PYGM: variants seen among roughly 807,000 people sequenced by gnomAD.
PYGM encodes glycogen phosphorylase, muscle associated, also known as glycogen phosphorylase, muscle form.
A neutral mutation model predicts 99.3 loss-of-function variants in PYGM; 81 were observed. That is an observed-to-expected ratio of 0.82 (90% CI 0.68 to 0.98). The LOEUF is 0.98. Ranked by LOEUF, PYGM falls within the 50% of genes least tolerant of loss-of-function variation. PYGM has a pLI of 0.00. For synonymous variants in PYGM, 436 were observed against 451.5 expected (o/e 0.97, Z 0.44); for missense variants, 1,030 against 1,158.1 (o/e 0.89, Z 1.61).
Position 64,758,455 on chromosome 11 carries a change from C to A in PYGM, c.406G>T (p.Gly136Cys). Residue 136 changes from glycine to cysteine, a missense_variant, in exon 3 of 20, where the codon GGC (glycine) becomes TGC (cysteine). Coordinates refer to ENST00000164139, the MANE Select transcript of PYGM (RefSeq NM_005609.4). ...IEEDAGLGNGGLGRLAACFLD... is the reference protein window; with the variant it reads ...IEEDAGLGNGCLGRLAACFLD... ...TTCTTACCTGCCAGCCGGCCCAGGC[C>A]CCCGTTGCCCAGCCCCGCATCCTCC... The A allele has an allele frequency of 6.2e-7, 1 of 1,613,958 alleles. No individual in the cohort carries two copies. Among genetic ancestry groups the A allele is most frequent in the Non-Finnish European group, 8.5e-7 (1 of 1,180,014 alleles).
At position 64,753,556 on chromosome 11, in the gene PYGM, C is replaced by G. The variant is rs398124208; in HGVS notation, c.1366G>C (p.Val456Leu). Residue 456 changes from valine to leucine, a missense_variant, in exon 11 of 20, where the codon GTG (valine) becomes CTG (leucine). Physicochemically the swap from Val to Leu is conservative, Grantham distance 32. Transcript: ENST00000164139. ...AGGATCTCGGAGTGGATGCGCGCCA[C>G]GCCGTTGACGGCGTGCGACCCCGCG... ...CIAGSHAVNGVARIHSEILKK... is the reference protein window; with the variant it reads ...CIAGSHAVNGLARIHSEILKK... 1 of 1,600,400 alleles carries G rather than the reference C, an allele frequency of 6.2e-7. No homozygotes were observed. Among genetic ancestry groups the G allele is most frequent in the East Asian group, 2.2e-5 (1 of 44,476 alleles).
In PYGM at chr11:64,753,006, C is replaced by T. The variant is rs1345449731; in HGVS notation, c.1518+67G>A. On this transcript the variant is annotated intron_variant, in intron 12 of 19. Transcript: ENST00000164139. The stretch of plus-strand genomic sequence containing the variant: ...GCCCTGATGCAGTGAACCACCTACA[C>T]GACCATACCCAGCTGATCCCTGCAG... 1.6e-5 allele frequency: 23 copies of T among 1,409,944 alleles called. No individual in the cohort carries two copies. In the East Asian group the frequency reaches 2.3e-4, roughly 14 times the overall value. The allele number at this position is 1,409,944 out of a possible 1,614,324, so 87.3% of individuals were successfully genotyped here.
Position 64,746,650 on chromosome 11 carries a change from T to G in PYGM, c.*9A>C. ...ACTCAAGGGCTGGTTTGGGGTCTGG[T>G]CTGGAGGCTCAGATGGCCTCATCCG... On this transcript the variant is annotated 3_prime_UTR_variant, in exon 20 of 20. Coordinates refer to ENST00000164139, the MANE Select transcript of PYGM (RefSeq NM_005609.4). 3.7e-6 allele frequency: 6 copies of G among 1,614,084 alleles called. No individual in the cohort carries two copies. The highest frequency in any genetic ancestry group is 5.1e-6 in the Non-Finnish European group (6 of 1,180,014).
intron 17 of PYGM, 133 bp downstream of exon 17, chr11:64,750,243 C>G: frequency 4.1e-6 from 4 of 967,484 alleles, no homozygotes; most frequent in East Asian, 2.4e-5. Flanking sequence ...TAAAGTTTCC[C>G]AGAATCCTGC....
rs185011712 is a variant in PYGM at position 64,757,205 on chromosome 11, G to A, written c.660+574C>T. The stretch of plus-strand genomic sequence containing the variant: ...CCCAAAGTGCTGGGATTACAGGTAT[G>A]ACCCACTGCCCCAGTCTATTTTTTT... On this transcript the variant is annotated intron_variant, in intron 5 of 19. Transcript: ENST00000164139. 2.4e-3 allele frequency among the ~76,000 whole-genome samples: 371 copies of A among 152,278 alleles called. 3 individuals are homozygous for A. The Middle Eastern group carries it at 0.051, about 21-fold the overall frequency.
In PYGM at chr11:64,746,922, T is replaced by C. The variant is rs762625291; in HGVS notation, c.2378A>G (p.Lys793Arg). Residue 793 changes from lysine (K) to arginine (R), a missense_variant and splice_region_variant, in exon 19 of 20, where the codon AAG becomes AGG. Physicochemically the swap from Lys to Arg is conservative, Grantham distance 26 (BLOSUM62 2). Coordinates refer to ENST00000164139, the MANE Select transcript of PYGM (RefSeq NM_005609.4). Reference sequence around the variant, plus strand: ...AACCCCTGGCCCAGGACCCCTCACCTTGTACAAGGCGCTGACTTTCTCCTG... The same window carrying C: ...AACCCCTGGCCCAGGACCCCTCACCCTGTACAAGGCGCTGACTTTCTCCTG... ...KCQEKVSALY[K>R]NPREWTRMVI... 1 of 1,614,198 alleles carries C rather than the reference T, an allele frequency of 6.2e-7. No homozygotes were observed. Among genetic ancestry groups the C allele is most frequent in the Non-Finnish European group, 8.5e-7 (1 of 1,180,018 alleles).
Position 64,747,208 on chromosome 11 carries a change from G to T in PYGM, c.2312+16C>A. On this transcript the variant is annotated intron_variant, in intron 18 of 19. Transcript: ENST00000164139. ...CTGCGGCCCCACCTGAGTGATTCCCGGGCCAACCAGCTCACCGGTCATGGT... is the reference window on the plus strand; with the variant it reads ...CTGCGGCCCCACCTGAGTGATTCCCTGGCCAACCAGCTCACCGGTCATGGT... 1 of 1,613,702 alleles carries T rather than the reference G, an allele frequency of 6.2e-7. No individual in the cohort carries two copies. Among genetic ancestry groups the T allele is most frequent in the Non-Finnish European group, 8.5e-7 (1 of 1,179,774 alleles).
chr11:64,754,589 T>C lies in PYGM; in HGVS notation c.999+104A>G. ...ACAACTGACCCTCCCACACTCCCAG[T>C]CTCCACTCCCTTATCTATTACATGG... On this transcript the variant is annotated intron_variant, in intron 8 of 19. Transcript: ENST00000164139. This position sits in a 1 kb window ranked among gnomAD's most constrained non-coding sequence, Gnocchi z 5.5. The C allele has an allele frequency of 2.0e-6, 3 of 1,478,188 alleles. No individual in the cohort carries two copies. The highest frequency in any genetic ancestry group is 9.2e-7 in the Non-Finnish European group (1 of 1,085,026). 91.6% of individuals were successfully genotyped at this position (1,478,188 alleles called of 1,614,324 possible).
intron 1 of PYGM, 82 bp from the exon 2 acceptor site, chr11:64,758,786 C>T: frequency 8.1e-7 from 1 of 1,233,806 alleles, no homozygotes; most frequent in Non-Finnish European, 1.2e-6. Context: ...GCCTGGACCT[C>T]TGGCCCGCCT....
At position 64,755,082 on chromosome 11, in the gene PYGM, C is replaced by T. The variant is rs1165060406; in HGVS notation, c.855+191G>A. 4.6e-5 allele frequency among the ~76,000 whole-genome samples: 7 copies of T among 152,090 alleles called. No individual in the cohort carries two copies. Among genetic ancestry groups the T allele is most frequent in the African/African-American group, 1.2e-4 (5 of 41,398 alleles). ...GGAACAGCCCCTCCAAAGTGCCCTTCGCTAACCCAGTTTCCTCAGGACTCA... is the reference window on the plus strand; with the variant it reads ...GGAACAGCCCCTCCAAAGTGCCCTTTGCTAACCCAGTTTCCTCAGGACTCA... On this transcript the variant is annotated intron_variant, in intron 7 of 19. Transcript: ENST00000164139. This position sits in a 1 kb window ranked among gnomAD's most constrained non-coding sequence, Gnocchi z 4.1.
At position 64,753,419 on chromosome 11, in the gene PYGM, G is replaced by A. The variant is rs1232652233; in HGVS notation, c.1403+100C>T. On this transcript the variant is annotated intron_variant, in intron 11 of 19. Coordinates refer to ENST00000164139, the MANE Select transcript of PYGM (RefSeq NM_005609.4). ...CACCTGTGAAAGGCGCCAGGGCCCA[G>A]AGACCAGAGAGTGGTCGGTGAAGGG... 1.2e-5 allele frequency: 17 copies of A among 1,457,020 alleles called. No individual in the cohort carries two copies. In the East Asian group the frequency reaches 4.0e-4, roughly 34 times the overall value. 90.3% of individuals were successfully genotyped at this position (1,457,020 alleles called of 1,614,324 possible).
intron 5 of PYGM, among the ~76,000 whole-genome samples, chr11:64,757,459 G>A (rs1444050469): frequency 6.6e-6 from 1 of 152,138 alleles, no homozygotes; most frequent in Admixed American, 6.5e-5. Flanking sequence ...TGCTGCTGTC[G>A]AGATGTTCAG....
At chr11:64,756,821 C>T (rs2058397181) in intron 5 of PYGM, among the ~76,000 whole-genome samples, 1 of 152,024 alleles carries the variant, frequency 6.6e-6, no homozygotes, top group Admixed American at 6.6e-5. Context: ...CTTTTTGAAA[C>T]AGTCTCACTC....
In PYGM at chr11:64,754,037, G is replaced by T; in HGVS notation, c.1093-12C>A. ...GTCACATCCCACGCCTGGCACACGG[G>T]GTGGGCAGTCAGGATGCTGACCTCA... On this transcript the variant is annotated splice_polypyrimidine_tract_variant and intron_variant, in intron 9 of 19. Transcript: ENST00000164139. This position sits in a 1 kb window ranked among gnomAD's most constrained non-coding sequence, Gnocchi z 5.5. The T allele has an allele frequency of 2.5e-6, 4 of 1,597,480 alleles. No homozygotes were observed. The highest frequency in any genetic ancestry group is 3.4e-6 in the Non-Finnish European group (4 of 1,172,074).
chr11:64,754,099 G>A lies in PYGM; in HGVS notation c.1093-74C>T. Reference sequence around the variant, plus strand: ...CTCCTCACACACTACGCATCCCAGTGGGCCCCCCCACTGCAGTGCCAGGTT... The same window carrying A: ...CTCCTCACACACTACGCATCCCAGTAGGCCCCCCCACTGCAGTGCCAGGTT... On this transcript the variant is annotated intron_variant, in intron 9 of 19. Transcript: ENST00000164139. This position sits in a 1 kb window ranked among gnomAD's most constrained non-coding sequence, Gnocchi z 5.5. 1 of 1,604,322 alleles carries A rather than the reference G, an allele frequency of 6.2e-7. No individual in the cohort carries two copies. The highest frequency in any genetic ancestry group is 8.5e-7 in the Non-Finnish European group (1 of 1,174,466).
At position 64,758,471 on chromosome 11, in the gene PYGM, C is replaced by T. The variant is rs771873586; in HGVS notation, c.390G>A (p.Ala130=). 2.9e-5 allele frequency: 47 copies of T among 1,613,934 alleles called. No homozygotes were observed. Among genetic ancestry groups the T allele is most frequent in the East Asian group, 6.7e-5 (3 of 44,888 alleles). Residue 130 remains alanine (A), a synonymous_variant, in exon 3 of 20, where the codon GCG becomes GCA. Transcript: ENST00000164139. ...GGCCCAGGCCCCCGTTGCCCAGCCC[C>T]GCATCCTCCTCAATTTCCTCCAGCT... ...MEELEEIEED[A]GLGNGGLGRL...
rs119103256 is a variant in PYGM at position 64,750,557 on chromosome 11, G to C, written c.1996C>G (p.Gln666Glu). 16 of 1,613,686 alleles carry C rather than the reference G, an allele frequency of 9.9e-6. No individual in the cohort carries two copies. The highest frequency in any genetic ancestry group is 1.0e-5 in the Non-Finnish European group (12 of 1,179,940). Residue 666 changes from glutamine (Q) to glutamate (E), a missense_variant, in exon 17 of 20, where the codon CAG (glutamine) becomes GAG (glutamate). Physicochemically the swap from Gln to Glu is conservative, Grantham distance 29 (BLOSUM62 2). Transcript: ENST00000164139. The part of the protein sequence containing the change: ...KVIPAADLSE[Q>E]ISTAGTEASG... ...GCTTCAGTGCCCGCAGTGGAGATCT[G>C]CTCAGAGAGGTCTGCAGCTGGGATC...
Position 64,750,684 on chromosome 11 carries a change from G to A in PYGM, c.1970-101C>T, listed in dbSNP as rs568256371. 354 of 1,141,112 alleles carry A rather than the reference G, an allele frequency of 3.1e-4. No individual in the cohort carries two copies. The African/African-American group carries it at 5.0e-3, about 16-fold the overall frequency. The allele number at this position is 1,141,112 out of a possible 1,614,324, so 70.7% of individuals were successfully genotyped here. On this transcript the variant is annotated intron_variant, in intron 16 of 19. Transcript: ENST00000164139. The stretch of plus-strand genomic sequence containing the variant: ...GGCCCCAGGCATAGCTGGACTCAGA[G>A]TCGCCCCACCCCAAACTCCCAGTCT...
chr11:64,759,836 G>T lies in PYGM; in HGVS notation c.63C>A (p.Gly21=). Residue 21 remains glycine (G), a synonymous_variant, in exon 1 of 20, where the codon GGC becomes GGA. Transcript: ENST00000164139. Reference sequence around the variant, plus strand: ...TTTTCAGCTCAGTCACGTTCTCCACGCCGGCCAGGCCACGCACACTGATTT... The same window carrying T: ...TTTTCAGCTCAGTCACGTTCTCCACTCCGGCCAGGCCACGCACACTGATTT... ...RKQISVRGLA[G]VENVTELKKN... The T allele has an allele frequency of 6.2e-7, 1 of 1,614,126 alleles. No individual in the cohort carries two copies. The highest frequency in any genetic ancestry group is 8.5e-7 in the Non-Finnish European group (1 of 1,180,012).
Sources: allele counts gnomAD v4.1 joint callset (sites outside exome capture counted in the v4.1 genomes callset), GRCh38; gene constraint gnomAD v4.1.1; non-coding constraint Gnocchi (gnomAD v3.1); transcripts MANE v1.5; gene names NCBI Gene and HGNC (gene_info 2026-07-23, HGNC 2026-07-21).